Variants in LTA4H observed in about 807,000 individuals in gnomAD.
LTA4H encodes leukotriene A4 hydrolase, also known as leukotriene A-4 hydrolase.
Under a neutral mutation model 89.8 loss-of-function variants are expected in LTA4H, and 59 were observed. The observed-to-expected ratio is 0.66, with a 90% confidence interval of 0.53 to 0.82. The LOEUF (loss-of-function observed/expected upper bound fraction) is 0.82, where lower values mean the gene tolerates loss of function less well. Ranked by LOEUF, LTA4H falls within the 40% of genes least tolerant of loss-of-function variation. The pLI is 0.00. For missense variants in LTA4H, 617 were observed against 727.0 expected (o/e 0.85, Z 1.74); for synonymous variants, 227 against 253.1 (o/e 0.90, Z 0.98).
chr12:96,022,901 A>G lies in LTA4H; in HGVS notation c.481-650T>C, dbSNP rs1228072945. On this transcript the variant is annotated intron_variant, in intron 4 of 18. Transcript: ENST00000228740. The surrounding 1 kb of genome is among the most constrained non-coding windows in gnomAD (Gnocchi z 4.0). ...TTTTGAACAATTTTGTTTTGAAAAC[A>G]CACACTTGGAGTTACAAATAGAGGA... 6.6e-6 allele frequency among the ~76,000 whole-genome samples: 1 copy of G among 152,264 alleles called. No homozygotes were observed. The highest frequency in any genetic ancestry group is 1.5e-5 in the Non-Finnish European group (1 of 68,054).
intron 16 of LTA4H, among the ~76,000 whole-genome samples, chr12:96,005,480 G>GT (rs1163808848): frequency 2.0e-5 from 3 of 152,160 alleles, no homozygotes; most frequent in Non-Finnish European, 1.5e-5. Flanking sequence ...AGCATTGAGA[G>GT]TCATCACATC....
At chr12:96,002,497 A>G (rs1950120429) in intron 18 of LTA4H, among the ~76,000 whole-genome samples, 1 of 152,198 alleles carries the variant, frequency 6.6e-6, no homozygotes, top group Non-Finnish European at 1.5e-5. Flanking sequence ...TCTTGCTGTC[A>G]AGATACAACT....
At chr12:96,011,273 T>C (rs531139619) in intron 14 of LTA4H, 1 of 152,362 alleles carries the variant, frequency 6.6e-6, no homozygotes, top group Non-Finnish European at 1.5e-5. Flanking sequence ...TTAGAGTCTT[T>C]GAAAGACTCC....
At chr12:96,043,338 G>C in exon 1 of LTA4H, 1 of 1,535,350 alleles carries the variant, frequency 6.5e-7, no homozygotes, top group Non-Finnish European at 8.7e-7. Context: ...ATGCATGGTC[G>C]GTACTTGTCT....
At chr12:96,041,126 C>A (rs1437017609) in intron 1 of LTA4H, among the ~76,000 whole-genome samples, 2 of 151,776 alleles carry the variant, frequency 1.3e-5, no homozygotes, top group Non-Finnish European at 2.9e-5. Flanking sequence ...TTAAAGAAAG[C>A]TTTGGCAAAT....
At chr12:96,005,834 C>G (rs925170082) in intron 16 of LTA4H, among the ~76,000 whole-genome samples, 5 of 150,712 alleles carry the variant, frequency 3.3e-5, no homozygotes, top group African/African-American at 1.2e-4. Context: ...CTGCAACCTC[C>G]GCCTCCCAGT....
chr12:96,013,728 A>G (rs779547875), intron 13 of LTA4H, 22 bp downstream of exon 13: 17 of 1,204,996 alleles, frequency 1.4e-5, no homozygotes, highest in Non-Finnish European at 2.1e-5. Context: ...CATGAAAAAT[A>G]GAAAAGGTTT....
At chr12:96,025,677 A>G (rs4441106) in intron 3 of LTA4H, among the ~76,000 whole-genome samples, 19,461 of 151,964 alleles carry the variant, frequency 0.13, 1,544 homozygotes, top group East Asian at 0.3. Flanking sequence ...CACAAAAAAA[A>G]TTAGCTGGGC....
intron 14 of LTA4H, 128 bp downstream of exon 14, chr12:96,013,060 A>G: frequency 1.5e-6 from 1 of 685,802 alleles, no homozygotes; most frequent in Non-Finnish European, 2.5e-6. Context: ...AGGCCAAAAC[A>G]CCTAAGAACT....
intron 3 of LTA4H, among the ~76,000 whole-genome samples, chr12:96,024,825 C>T (rs1371582405): frequency 3.3e-5 from 5 of 152,060 alleles, no homozygotes; most frequent in Admixed American, 6.5e-5. Flanking sequence ...TGTACCACCA[C>T]GCCCAGCTAA....
intron 8 of LTA4H, 131 bp from the exon 9 acceptor site, chr12:96,017,711 G>A: frequency 1.3e-5 from 7 of 531,370 alleles, no homozygotes; most frequent in South Asian, 3.3e-5. Context: ...CTTCAAAGAA[G>A]GTAAAAGAGA....
At chr12:96,031,760 T>C (rs1344045039) in intron 1 of LTA4H, among the ~76,000 whole-genome samples, 1 of 152,234 alleles carries the variant, frequency 6.6e-6, no homozygotes, top group Non-Finnish European at 1.5e-5. Flanking sequence ...TTGTTTCTCC[T>C]ATCCCTATTC....
chr12:96,009,337 C>T, intron 14 of LTA4H, 189 bp from the exon 15 acceptor site: 1 of 559,450 alleles, frequency 1.8e-6, no homozygotes, highest in East Asian at 3.0e-5. Flanking sequence ...CTCACAAACC[C>T]AAATGGATAC....
chr12:96,001,287 C>A (rs531162252), intron 18 of LTA4H, among the ~76,000 whole-genome samples, 181 bp from the exon 19 acceptor site: 1 of 152,276 alleles, frequency 6.6e-6, no homozygotes, highest in East Asian at 1.9e-4. Flanking sequence ...GCAGGGGTGA[C>A]AGCCAGCATC....
At chr12:96,030,280 C>T (rs1034895771) in intron 1 of LTA4H, among the ~76,000 whole-genome samples, 4 of 152,150 alleles carry the variant, frequency 2.6e-5, no homozygotes, top group African/African-American at 7.2e-5. Context: ...GTTCCAGCCC[C>T]GGTCCTTTGA....
intron 17 of LTA4H, 141 bp downstream of exon 17, chr12:96,003,697 A>C (rs912753834): frequency 2.2e-6 from 1 of 458,192 alleles, no homozygotes; most frequent in Non-Finnish European, 3.9e-6. Flanking sequence ...ATACCACTAT[A>C]AGTATTTATA....
upstream of LTA4H, among the ~76,000 whole-genome samples, chr12:96,039,232 A>G (rs1207007359): frequency 1.3e-5 from 2 of 152,114 alleles, no homozygotes; most frequent in Admixed American, 6.6e-5. Flanking sequence ...AAATAATAGT[A>G]ATAATAATAA....
chr12:96,042,790 C>A (rs1950697764), intron 1 of LTA4H, among the ~76,000 whole-genome samples: 1 of 152,190 alleles, frequency 6.6e-6, no homozygotes, highest in African/African-American at 2.4e-5. Flanking sequence ...CTCGCTTCCT[C>A]CCCAGTTCAC....
At chr12:96,028,118 A>G (rs1950532097) in intron 2 of LTA4H, 1 of 152,372 alleles carries the variant, frequency 6.6e-6, no homozygotes, top group African/African-American at 2.4e-5. Context: ...ATTGCATTGT[A>G]CAAAAGTATC....
Sources: gnomAD v4.1 joint callset for allele counts (sites outside exome capture counted in the v4.1 genomes callset) on GRCh38, gnomAD v4.1.1 for gene constraint, Gnocchi (gnomAD v3.1) non-coding constraint, MANE v1.5 for transcripts, NCBI Gene and HGNC (gene_info 2026-07-23, HGNC 2026-07-21) for gene names.